TENM2: variants seen among roughly 807,000 people sequenced by gnomAD.
TENM2 encodes teneurin-2.
A neutral mutation model predicts 245.2 loss-of-function variants in TENM2; 52 were observed. The observed-to-expected ratio is 0.21, with a 90% CI of 0.17 to 0.27. The LOEUF (loss-of-function observed/expected upper bound fraction) is 0.27. Among genes scored for constraint, TENM2 ranks in the 10% least tolerant of loss-of-function variants. TENM2 has a pLI of 1.00. For missense variants in TENM2, 3,046 were observed against 3,666.8 expected (o/e 0.83, Z 4.37); for synonymous variants, 1,363 against 1,438.9 (o/e 0.95, Z 1.19).
intron 2 of TENM2, among the ~76,000 whole-genome samples, chr5:167,475,568 G>A (rs1267378909): frequency 6.6e-6 from 1 of 151,952 alleles, no homozygotes; most frequent in Non-Finnish European, 1.5e-5. Context: ...ATGGTGGTTT[G>A]CTGCACCTGT....
the TENM2 span, among the ~76,000 whole-genome samples, chr5:167,052,331 G>A: frequency 2.0e-5 from 3 of 151,950 alleles, no homozygotes; most frequent in Non-Finnish European, 4.4e-5. Flanking sequence ...TGAAAAAAAG[G>A]TTGAAATGCC....
intron 2 of TENM2, among the ~76,000 whole-genome samples, chr5:167,745,170 A>T (rs966432494): frequency 1.3e-5 from 2 of 152,234 alleles, no homozygotes; most frequent in African/African-American, 4.8e-5. Flanking sequence ...AAAACGCAGG[A>T]ATGTGAAGTA....
At chr5:167,112,085 G>T in the TENM2 span, among the ~76,000 whole-genome samples, 2 of 152,186 alleles carry the variant, frequency 1.3e-5, no homozygotes, top group African/African-American at 4.8e-5. Flanking sequence ...ATGATTGACA[G>T]TGAACTTGCA....
chr5:167,424,070 C>A (rs1763669081), intron 2 of TENM2, among the ~76,000 whole-genome samples: 1 of 152,158 alleles, frequency 6.6e-6, no homozygotes, highest in Non-Finnish European at 1.5e-5. Context: ...TCTGTCCCGG[C>A]AGAAATACCT....
the TENM2 span, among the ~76,000 whole-genome samples, chr5:167,039,246 C>A: frequency 6.6e-6 from 1 of 152,016 alleles, no homozygotes; most frequent in African/African-American, 2.4e-5. Context: ...TGTTTGCAAG[C>A]AGACAAAGAC....
chr5:167,284,181 A>G (rs1416147512), upstream of TENM2, among the ~76,000 whole-genome samples: 1 of 152,228 alleles, frequency 6.6e-6, no homozygotes, highest in Non-Finnish European at 1.5e-5. Flanking sequence ...AATTGGAGAA[A>G]GATTGTTTGC....
At chr5:167,881,601 C>T (rs1011510289) in intron 3 of TENM2, among the ~76,000 whole-genome samples, 3 of 152,212 alleles carry the variant, frequency 2.0e-5, no homozygotes, top group South Asian at 2.1e-4. Context: ...ACATAAGCCA[C>T]TTTGACTCCA....
At chr5:167,917,851 A>G (rs1414710322) in intron 3 of TENM2, among the ~76,000 whole-genome samples, 4 of 152,344 alleles carry the variant, frequency 2.6e-5, no homozygotes, top group Middle Eastern at 3.4e-3. Context: ...ATAGTTCAAC[A>G]TGTTGACAAA....
chr5:167,458,260 G>GT, intron 2 of TENM2, among the ~76,000 whole-genome samples: 1 of 151,840 alleles, frequency 6.6e-6, no homozygotes, highest in Non-Finnish European at 1.5e-5. Flanking sequence ...GCCGAGACAG[G>GT]TGGATCACCT....
chr5:168,040,392 C>T (rs573398279), intron 5 of TENM2, among the ~76,000 whole-genome samples: 21 of 152,286 alleles, frequency 1.4e-4, no homozygotes, highest in African/African-American at 4.1e-4. Context: ...AGCCTTGCAA[C>T]CATTTGGAGC....
chr5:167,272,289 A>C, the TENM2 span, among the ~76,000 whole-genome samples: 1 of 152,204 alleles, frequency 6.6e-6, no homozygotes, highest in Non-Finnish European at 1.5e-5. Flanking sequence ...GGGTTGACTT[A>C]GTAGTTCTGC....
the TENM2 span, among the ~76,000 whole-genome samples, chr5:167,195,544 C>T: frequency 2.6e-5 from 4 of 151,992 alleles, no homozygotes; most frequent in African/African-American, 7.2e-5. Context: ...ACATGAATAA[C>T]GTGTTTCAAT....
the TENM2 span, among the ~76,000 whole-genome samples, chr5:166,979,360 T>C: frequency 1.3e-5 from 2 of 151,864 alleles, no homozygotes; most frequent in Admixed American, 1.3e-4. Flanking sequence ...GTCTTTGGGA[T>C]TATTTTTTTT....
intron 2 of TENM2, among the ~76,000 whole-genome samples, chr5:167,431,011 T>C (rs1022214055): frequency 2.0e-5 from 3 of 152,222 alleles, no homozygotes; most frequent in Non-Finnish European, 4.4e-5. Flanking sequence ...TCTAGTTGAA[T>C]GGCTGGTAAT....
chr5:168,036,681 A>ATATATATATATAATATATGTATGTG (rs1787714450), intron 5 of TENM2, among the ~76,000 whole-genome samples: 1 of 108,534 alleles, frequency 9.2e-6, no homozygotes, highest in Admixed American at 9.6e-5. Flanking sequence ...GTATGTGTAT[A>ATATATATATATAATATATGTATGTG]TATATATATA....
intron 5 of TENM2, among the ~76,000 whole-genome samples, chr5:168,028,320 T>C (rs929039489): frequency 6.6e-6 from 1 of 152,182 alleles, no homozygotes; most frequent in Non-Finnish European, 1.5e-5. Context: ...CCATATGCTT[T>C]ACACACGAGA....
At chr5:168,098,453 A>G (rs963922074) in intron 9 of TENM2, among the ~76,000 whole-genome samples, 4 of 152,168 alleles carry the variant, frequency 2.6e-5, no homozygotes, top group Non-Finnish European at 5.9e-5. Flanking sequence ...ATTAACTTCT[A>G]TGTAATGGAA....
At chr5:167,309,066 G>GGGGGGGGGGCCCCCCC in intron 1 of TENM2, among the ~76,000 whole-genome samples, 1 of 119,466 alleles carries the variant, frequency 8.4e-6, no homozygotes, top group East Asian at 2.8e-4. Flanking sequence ...GGGTGGGGGG[G>GGGGGGGGGGCCCCCCC]AGGTTTAAAT....
At chr5:167,671,758 G>T (rs1185430397) in intron 2 of TENM2, among the ~76,000 whole-genome samples, 1 of 149,010 alleles carries the variant, frequency 6.7e-6, no homozygotes, top group African/African-American at 2.5e-5. Flanking sequence ...TATAGCTACA[G>T]ATTATATATA....
Sources: gnomAD v4.1 joint callset for allele counts (sites outside exome capture counted in the v4.1 genomes callset) on GRCh38, gnomAD v4.1.1 for gene constraint, MANE v1.5 for transcripts, NCBI Gene and HGNC (gene_info 2026-07-23, HGNC 2026-07-21) for gene names.